The following MTR variants were observed in gnomAD, a reference collection of about 807,000 sequenced individuals.
MTR encodes 5-methyltetrahydrofolate-homocysteine methyltransferase.
In MTR, 84 loss-of-function variants were observed where a neutral mutation model predicts 154.8. That is an observed-to-expected ratio of 0.54 (90% confidence interval 0.45 to 0.65). The LOEUF (loss-of-function observed/expected upper bound fraction) is 0.65. Ranked by LOEUF, MTR falls within the 30% of genes least tolerant of loss-of-function variation. The probability of loss-of-function intolerance (pLI) is 0.00; values close to 1 mark genes in which losing one functional copy is unlikely to be tolerated. For synonymous variants in MTR, 554 were observed against 553.9 expected, an observed-to-expected ratio of 1.00 and a Z score of 0.00; for missense variants, 1,275 against 1,570.2, an observed-to-expected ratio of 0.81 and a Z score of 3.18.
intron 31 of MTR, among the ~76,000 whole-genome samples, chr1:236,896,294 G>A (rs985214581): frequency 6.6e-6 from 1 of 152,200 alleles, no homozygotes; most frequent in Non-Finnish European, 1.5e-5. Context: ...TTAATAAAAA[G>A]CATGCCATCA....
intron 24 of MTR, among the ~76,000 whole-genome samples, chr1:236,875,214 T>C (rs900396610): frequency 6.6e-6 from 1 of 152,240 alleles, no homozygotes; most frequent in Admixed American, 6.5e-5. Flanking sequence ...CTTGAACTTT[T>C]GCCCACTCTG....
chr1:236,832,121 T>C, intron 13 of MTR, 43 bp downstream of exon 13: 1 of 1,444,930 alleles, frequency 6.9e-7, no homozygotes, highest in South Asian at 1.1e-5. Context: ...GCCCATGTCT[T>C]TGGCTAGACA....
intron 1 of MTR, among the ~76,000 whole-genome samples, chr1:236,799,452 G>T (rs1208662974): frequency 6.6e-6 from 1 of 152,124 alleles, no homozygotes; most frequent in Non-Finnish European, 1.5e-5. Context: ...GGCCTCAGTT[G>T]CATAGGAGTT....
In MTR at chr1:236,860,415, T is replaced by G. The variant is rs572202276; in HGVS notation, c.2043+493T>G. On this transcript the variant is annotated intron_variant, in intron 19 of 32. Transcript: ENST00000366577. ...TCAGAGTTTTGTTTTGTTTTGTTTT[T>G]TTTTGGCTCTGGAGTTTAACATTTA... Among the ~76,000 whole-genome samples, 922 of 152,142 alleles carry G rather than the reference T, an allele frequency of 6.1e-3. 14 individuals are homozygous for G. Among genetic ancestry groups the G allele is most frequent in the African/African-American group, 0.02 (828 of 41,504 alleles).
intron 6 of MTR, among the ~76,000 whole-genome samples, chr1:236,813,852 T>G (rs752823390): frequency 3.0e-4 from 45 of 152,132 alleles, no homozygotes; most frequent in Non-Finnish European, 5.4e-4. Context: ...ATTGTTAGTT[T>G]GTGTGTGCGT....
intron 18 of MTR, among the ~76,000 whole-genome samples, chr1:236,855,782 G>T (rs149822500): frequency 1.3e-5 from 2 of 152,278 alleles, no homozygotes; most frequent in African/African-American, 2.4e-5. Context: ...TGGTCAGTTT[G>T]CTTGGTAGCT....
At chr1:236,875,277 A>G (rs1665366540) in intron 24 of MTR, among the ~76,000 whole-genome samples, 1 of 152,238 alleles carries the variant, frequency 6.6e-6, no homozygotes, top group Admixed American at 6.5e-5. Flanking sequence ...AAGGAACTCT[A>G]ACCTTGTAGT....
At position 236,864,915 on chromosome 1, in the gene MTR, T is replaced by C. The variant is rs937811796; in HGVS notation, c.2405+1361T>C. 3.9e-5 allele frequency among the ~76,000 whole-genome samples: 6 copies of C among 152,254 alleles called. 1 individual carries two copies. The highest frequency in any genetic ancestry group is 3.9e-4 in the Admixed American group (6 of 15,286). On this transcript the variant is annotated intron_variant, in intron 22 of 32. Coordinates refer to ENST00000366577, the MANE Select transcript of MTR (RefSeq NM_000254.3). ...TAAATAGCCAGGTACATGTTCAGCC[T>C]TAATGGGACAAGAACCATTGAAGAA...
intron 21 of MTR, 68 bp from the exon 22 acceptor site, chr1:236,863,386 G>A: frequency 8.0e-7 from 1 of 1,243,658 alleles, no homozygotes; most frequent in East Asian, 2.4e-5. Context: ...CCCCTGCCTG[G>A]CTCTGGAGAA....
intron 5 of MTR, among the ~76,000 whole-genome samples, chr1:236,811,318 C>T (rs1462533396): frequency 6.6e-6 from 1 of 152,174 alleles, no homozygotes; most frequent in Non-Finnish European, 1.5e-5. Flanking sequence ...TGGGTGGGGA[C>T]ACAGCCAAAC....
At chr1:236,888,472 C>A (rs1475429252) in intron 27 of MTR, among the ~76,000 whole-genome samples, 1 of 152,224 alleles carries the variant, frequency 6.6e-6, no homozygotes, top group Non-Finnish European at 1.5e-5. Flanking sequence ...TCCACGTATA[C>A]CCACTAGCCA....
intron 28 of MTR, among the ~76,000 whole-genome samples, chr1:236,890,441 A>G (rs957100746): frequency 1.3e-5 from 2 of 152,086 alleles, no homozygotes; most frequent in Admixed American, 1.3e-4. Flanking sequence ...ACCCCTTACC[A>G]CTAACGTTCC....
chr1:236,837,491 TA>T (rs1662974999), intron 14 of MTR, among the ~76,000 whole-genome samples: 1 of 152,246 alleles, frequency 6.6e-6, no homozygotes, highest in Non-Finnish European at 1.5e-5. Context: ...ATTACTTGTT[TA>T]ATTATTTATC....
At chr1:236,811,667 T>C in intron 5 of MTR, 1 of 456,282 alleles carries the variant, frequency 2.2e-6, no homozygotes, top group Non-Finnish European at 4.4e-6. Context: ...GGAGCTAACT[T>C]ACCCTTGCTC....
chr1:236,821,320 C>A (rs950467518), intron 8 of MTR, among the ~76,000 whole-genome samples: 1 of 152,232 alleles, frequency 6.6e-6, no homozygotes, highest in South Asian at 2.1e-4. Context: ...CTCCAGGGAA[C>A]TAACACAGTC....
At chr1:236,880,263 G>A (rs987462002) in intron 24 of MTR, among the ~76,000 whole-genome samples, 1 of 152,210 alleles carries the variant, frequency 6.6e-6, no homozygotes, top group Admixed American at 6.5e-5. Context: ...GTACAAGGTG[G>A]GGTTGGGGCT....
Position 236,895,360 on chromosome 1 carries a change from C to G in MTR, c.3408C>G (p.Ala1136=). The change falls in exon 31 of 33, where the codon GCC becomes GCG. Residue 1136 remains alanine (A), a splice_region_variant and synonymous_variant. Transcript: ENST00000366577. ...TGCCTGCTGCTTTGGGTCCCAAGGC[C>G]TTTGCAGAAGAGCTCCATGAAAGAG... is the stretch of plus-strand genomic sequence containing the variant. ...VKALGDRLAE[A]FAEELHERVR... 1 of 1,594,692 alleles carries G rather than the reference C, an allele frequency of 6.3e-7. No homozygotes were observed. Among genetic ancestry groups the G allele is most frequent in the African/African-American group, 1.3e-5 (1 of 74,822 alleles).
At chr1:236,832,930 C>T (rs1037958949) in intron 13 of MTR, among the ~76,000 whole-genome samples, 1 of 152,216 alleles carries the variant, frequency 6.6e-6, no homozygotes, top group Non-Finnish European at 1.5e-5. Context: ...TTCACCACTT[C>T]CTCTGTTGGT....
intron 25 of MTR, among the ~76,000 whole-genome samples, chr1:236,883,274 TGGAA>T (rs894329460): frequency 2.0e-5 from 3 of 152,190 alleles, no homozygotes; most frequent in African/African-American, 7.2e-5. Flanking sequence ...GATTTTTTGG[TGGAA>T]GGATCATGTA....
Sources: allele counts gnomAD v4.1 joint callset (sites outside exome capture counted in the v4.1 genomes callset), GRCh38; gene constraint gnomAD v4.1.1; transcripts MANE v1.5; gene names NCBI Gene and HGNC (gene_info 2026-07-23, HGNC 2026-07-21).